Variants in ASAP1 observed in about 807,000 individuals in gnomAD.
The protein encoded by ASAP1 is ArfGAP with SH3 domain, ankyrin repeat and PH domain 1, also known as arf-GAP with SH3 domain, ANK repeat and PH domain-containing protein 1.
A neutral mutation model predicts 145.2 loss-of-function variants in ASAP1; 43 were observed. The observed-to-expected ratio is 0.30, with a 90% confidence interval of 0.23 to 0.38. ASAP1 has a LOEUF of 0.38. Ranked by LOEUF, ASAP1 falls within the 10% of genes least tolerant of loss-of-function variation. The pLI is 1.00. For missense variants in ASAP1, 1,018 were observed against 1,355.3 expected (o/e 0.75, Z 3.91); for synonymous variants, 546 against 515.5 (o/e 1.06, Z -0.80).
chr8:130,415,693 C>T (rs991391649), intron 1 of ASAP1, among the ~76,000 whole-genome samples: 2 of 150,520 alleles, frequency 1.3e-5, no homozygotes, highest in African/African-American at 4.9e-5. Context: ...GAGGCTTAGG[C>T]AGGAGAATTG....
intron 3 of ASAP1, among the ~76,000 whole-genome samples, chr8:130,265,965 G>A (rs528338653): frequency 6.6e-5 from 10 of 152,334 alleles, no homozygotes; most frequent in African/African-American, 1.9e-4. Flanking sequence ...TCCATAGTGA[G>A]TAAGCAGTAA....
At chr8:130,080,705 T>G (rs1011970488) in intron 25 of ASAP1, among the ~76,000 whole-genome samples, 2 of 152,074 alleles carry the variant, frequency 1.3e-5, no homozygotes, top group Non-Finnish European at 2.9e-5. Context: ...CAATCTCAGC[T>G]CACTGCAGCA....
At chr8:130,443,042 T>A (rs1354720373) in intron 1 of ASAP1, among the ~76,000 whole-genome samples, 4 of 151,886 alleles carry the variant, frequency 2.6e-5, no homozygotes, top group Non-Finnish European at 5.9e-5. Context: ...CGGGGAACTT[T>A]CCTCGGCTGC....
At position 130,134,296 on chromosome 8, in the gene ASAP1, G is replaced by A. The variant is rs753264322; in HGVS notation, c.1217C>T (p.Ala406Val). Reference sequence around the variant, plus strand: ...GCACCTTTATTTCAAAACTACTTACGCTACATAATCCTGCTCATCTTCTGC... The same window carrying A: ...GCACCTTTATTTCAAAACTACTTACACTACATAATCCTGCTCATCTTCTGC... ...FQAEDEQDYV[A>V]WISVLTNSKE... Residue 406 changes from alanine to valine, a missense_variant and splice_region_variant, in exon 15 of 30, where the codon GCA becomes GTA. By Grantham distance (64) the Ala-to-Val change is moderately conservative (BLOSUM62 0). Transcript: ENST00000518721. 1.5e-5 allele frequency: 23 copies of A among 1,578,340 alleles called. No individual in the cohort carries two copies. Among genetic ancestry groups the A allele is most frequent in the Non-Finnish European group, 1.7e-5 (20 of 1,161,974 alleles).
chr8:130,259,465 G>A (rs1819763480), intron 3 of ASAP1, among the ~76,000 whole-genome samples: 1 of 152,160 alleles, frequency 6.6e-6, no homozygotes. Context: ...CTGGATGCAA[G>A]GTCTCTCCTG....
chr8:130,160,893 T>TAA, intron 11 of ASAP1: 1 of 869,626 alleles, frequency 1.1e-6, no homozygotes, highest in South Asian at 1.5e-5. Context: ...AAGCATTTTA[T>TAA]ATAATGTACA....
intron 1 of ASAP1, among the ~76,000 whole-genome samples, chr8:130,431,558 G>A (rs944900222): frequency 8.6e-5 from 13 of 151,956 alleles, no homozygotes; most frequent in East Asian, 1.9e-4. Flanking sequence ...GTTCCTATTC[G>A]TTATTTAAGA....
At chr8:130,155,971 T>C (rs1243682014) in intron 12 of ASAP1, among the ~76,000 whole-genome samples, 1 of 152,242 alleles carries the variant, frequency 6.6e-6, no homozygotes, top group Non-Finnish European at 1.5e-5. Flanking sequence ...TCTAGCTATG[T>C]GACTTTGCTC....
chr8:130,195,331 G>C (rs1815407889), intron 5 of ASAP1: 2 of 136,936 alleles, frequency 1.5e-5, no homozygotes, highest in Non-Finnish European at 3.1e-5. Flanking sequence ...GAGCCCATGA[G>C]TTCAAGAACA....
intron 2 of ASAP1, among the ~76,000 whole-genome samples, chr8:130,374,240 T>C (rs1827369990): frequency 6.6e-6 from 1 of 152,224 alleles, no homozygotes; most frequent in Admixed American, 6.5e-5. Context: ...AAATAAGATA[T>C]GTGAGAGTAC....
rs1197191070 is a variant in ASAP1 at position 130,126,129 on chromosome 8, A to G, written c.1382-40T>C. On this transcript the variant is annotated intron_variant, in intron 16 of 29. Transcript: ENST00000518721. ...TTGAAGACAATGAAACAAAAAAGAC[A>G]TCTAATTTTAGTGTGCCAACTACAG... 3.2e-6 allele frequency: 5 copies of G among 1,578,314 alleles called. No individual in the cohort carries two copies. The East Asian group carries it at 1.1e-4, about 36-fold the overall frequency.
intron 4 of ASAP1, among the ~76,000 whole-genome samples, chr8:130,220,605 G>C (rs964537381): frequency 2.6e-5 from 4 of 152,196 alleles, no homozygotes; most frequent in Non-Finnish European, 5.9e-5. Flanking sequence ...GGGAGGCTGA[G>C]GTGGGCAGAT....
chr8:130,149,134 C>T (rs1246258282), intron 13 of ASAP1, among the ~76,000 whole-genome samples: 1 of 149,974 alleles, frequency 6.7e-6, no homozygotes, highest in Non-Finnish European at 1.5e-5. Flanking sequence ...GGATTACAGG[C>T]ATGAGCCACC....
intron 5 of ASAP1, among the ~76,000 whole-genome samples, chr8:130,207,906 C>T (rs934897726): frequency 2.0e-5 from 3 of 152,050 alleles, no homozygotes; most frequent in African/African-American, 4.8e-5. Flanking sequence ...TATTAAAGTG[C>T]GAAGGAAGCA....
intron 12 of ASAP1, among the ~76,000 whole-genome samples, chr8:130,159,320 C>G (rs2136009553): frequency 6.6e-6 from 1 of 152,050 alleles, no homozygotes; most frequent in Non-Finnish European, 1.5e-5. Context: ...GAGAAAACTG[C>G]AGTGAATAAA....
chr8:130,342,985 A>G (rs1825480718), intron 3 of ASAP1, among the ~76,000 whole-genome samples: 1 of 152,196 alleles, frequency 6.6e-6, no homozygotes, highest in African/African-American at 2.4e-5. Flanking sequence ...GGGTCTGTGA[A>G]AGATACTTAC....
intron 9 of ASAP1, among the ~76,000 whole-genome samples, chr8:130,177,681 A>G (rs1814059424): frequency 1.3e-5 from 2 of 152,210 alleles, no homozygotes; most frequent in Non-Finnish European, 2.9e-5. Flanking sequence ...CACTTATATA[A>G]GGTACAATTT....
intron 19 of ASAP1, 58 bp downstream of exon 19, chr8:130,118,431 A>G (rs2097559967): frequency 7.2e-6 from 11 of 1,520,174 alleles, no homozygotes; most frequent in Non-Finnish European, 9.8e-6. Flanking sequence ...AAAATAAGTC[A>G]CCTTTTAAAC....
intron 3 of ASAP1, among the ~76,000 whole-genome samples, chr8:130,242,280 A>AC (rs965894668): frequency 6.6e-6 from 1 of 150,788 alleles, no homozygotes; most frequent in Non-Finnish European, 1.5e-5. Context: ...AAAAAAAAAA[A>AC]AAACAACTTT....
Sources: allele counts gnomAD v4.1 joint callset (sites outside exome capture counted in the v4.1 genomes callset), GRCh38; gene constraint gnomAD v4.1.1; transcripts MANE v1.5; gene names NCBI Gene and HGNC (gene_info 2026-07-23, HGNC 2026-07-21).